The following PPA2 variants were observed in gnomAD, a reference collection of about 807,000 sequenced individuals.
The protein encoded by PPA2 is inorganic pyrophosphatase 2.
A neutral mutation model predicts 49.5 loss-of-function variants in PPA2; 48 were observed. The ratio of observed to expected loss-of-function variants is 0.97; its 90% CI spans 0.77 to 1.23. The LOEUF is 1.23. PPA2 is among the 50% of genes most tolerant of loss of function. The pLI, the probability that PPA2 is intolerant of heterozygous loss-of-function variation, is 0.00. For missense variants in PPA2, 429 were observed against 410.1 expected (o/e 1.05, Z -0.40); for synonymous variants, 131 against 139.9 (o/e 0.94, Z 0.45).
intron 7 of PPA2, among the ~76,000 whole-genome samples, chr4:105,412,322 G>T (rs1722799488): frequency 6.6e-6 from 1 of 152,140 alleles, no homozygotes; most frequent in Non-Finnish European, 1.5e-5. Flanking sequence ...TGAAAAACCT[G>T]ACAAAAACAA....
Position 105,413,080 on chromosome 4 carries a change from C to A in PPA2, c.655+11116G>T, listed in dbSNP as rs188686964. Among the ~76,000 whole-genome samples the A allele has an allele frequency of 1.2e-4, 19 of 152,282 alleles. No homozygotes were observed. The Middle Eastern group carries it at 0.01, about 82-fold the overall frequency. On this transcript the variant is annotated intron_variant, in intron 7 of 11. Transcript: ENST00000341695. ...ATAATAGCAAAGACTTGGAACTAAC[C>A]CAAATGTCCATCAATGATAGACTGG...
intron 9 of PPA2, among the ~76,000 whole-genome samples, chr4:105,388,849 ATT>A (rs1733789314): frequency 6.7e-6 from 1 of 148,190 alleles, no homozygotes; most frequent in Non-Finnish European, 1.5e-5. Context: ...AAAAAAAAAA[ATT>A]AGCTGTTTTA....
chr4:105,429,209 G>A (rs1383087675), intron 6 of PPA2, among the ~76,000 whole-genome samples: 1 of 152,178 alleles, frequency 6.6e-6, no homozygotes, highest in African/African-American at 2.4e-5. Context: ...GCATAGGCAA[G>A]TTTGGCTAGA....
chr4:105,410,830 G>C (rs991522684), intron 7 of PPA2, among the ~76,000 whole-genome samples: 1 of 152,152 alleles, frequency 6.6e-6, no homozygotes, highest in Non-Finnish European at 1.5e-5. Context: ...CATAAGTGAA[G>C]GAGAAACAAA....
At chr4:105,432,274 T>C (rs926882352) in intron 6 of PPA2, among the ~76,000 whole-genome samples, 1 of 152,324 alleles carries the variant, frequency 6.6e-6, no homozygotes, top group Non-Finnish European at 1.5e-5. Flanking sequence ...TATTCTATAA[T>C]GAACAAAATA....
chr4:105,392,276 A>AAC (rs1733955380), intron 9 of PPA2, among the ~76,000 whole-genome samples: 3 of 151,660 alleles, frequency 2.0e-5, no homozygotes, highest in Non-Finnish European at 2.9e-5. Context: ...ACAACAACAA[A>AAC]AAAAAAAACT....
chr4:105,399,065 A>G lies in PPA2; in HGVS notation c.755T>C (p.Phe252Ser). 6.2e-7 allele frequency: 1 copy of G among 1,609,110 alleles called. No individual in the cohort carries two copies. Among genetic ancestry groups the G allele is most frequent in the Non-Finnish European group, 8.5e-7 (1 of 1,178,860 alleles). ...KVPDGKPENQFAFNGEFKNKA... is the reference protein window; with the variant it reads ...KVPDGKPENQSAFNGEFKNKA... Reference sequence around the variant, plus strand: ...GTTTTTGAATTCTCCATTAAAAGCAAACTGGTTTTCTGGTTTTCCATCTGG... The same window carrying G: ...GTTTTTGAATTCTCCATTAAAAGCAGACTGGTTTTCTGGTTTTCCATCTGG... Residue 252 changes from phenylalanine to serine, a missense_variant, in exon 8 of 12, where the codon TTT (phenylalanine) becomes TCT (serine). By Grantham distance (155) the Phe-to-Ser change is radical (BLOSUM62 -2). Coordinates refer to ENST00000341695, the MANE Select transcript of PPA2 (RefSeq NM_176869.3).
intron 5 of PPA2, among the ~76,000 whole-genome samples, chr4:105,441,518 A>C (rs759003192): frequency 4.1e-4 from 63 of 152,144 alleles, no homozygotes; most frequent in Non-Finnish European, 3.1e-4. Flanking sequence ...ATCTGGAAAT[A>C]CTTAGTAAAG....
At chr4:105,466,798 GCA>G (rs755661043) in intron 1 of PPA2, among the ~76,000 whole-genome samples, 3 of 152,268 alleles carry the variant, frequency 2.0e-5, no homozygotes. Flanking sequence ...CAGGCTGTCT[GCA>G]CACACAGTAG....
intron 7 of PPA2, among the ~76,000 whole-genome samples, chr4:105,422,209 ATTG>A (rs1003015888): frequency 1.1e-4 from 17 of 152,202 alleles, no homozygotes; most frequent in Non-Finnish European, 2.2e-4. Context: ...ATGAATAAGA[ATTG>A]TTGTATTTTT....
intron 9 of PPA2, among the ~76,000 whole-genome samples, chr4:105,392,205 C>T (rs1733950566): frequency 6.6e-6 from 1 of 151,680 alleles, no homozygotes; most frequent in Non-Finnish European, 1.5e-5. Context: ...TAAATTCTCT[C>T]TGTTAATATA....
intron 1 of PPA2, among the ~76,000 whole-genome samples, chr4:105,462,936 CA>C (rs1723153930): frequency 6.6e-6 from 1 of 152,190 alleles, no homozygotes; most frequent in Non-Finnish European, 1.5e-5. Context: ...AAACCTGTTT[CA>C]TTTGTAAATT....
At position 105,420,096 on chromosome 4, in the gene PPA2, C is replaced by A. The variant is rs1578842474; in HGVS notation, c.655+4100G>T. ...CAAGTGATTCTCTTGCCTCAGCCTC[C>A]CATATAGCTGGGATTACAGGCATGT... On this transcript the variant is annotated intron_variant, in intron 7 of 11. Transcript: ENST00000341695. Among the ~76,000 whole-genome samples the A allele has an allele frequency of 2.6e-5, 4 of 152,158 alleles. No homozygotes were observed. The East Asian group carries it at 7.7e-4, about 29-fold the overall frequency.
chr4:105,410,716 T>G (rs1313552282), intron 7 of PPA2, among the ~76,000 whole-genome samples: 1 of 152,200 alleles, frequency 6.6e-6, no homozygotes, highest in Non-Finnish European at 1.5e-5. Context: ...AGCTGATCAC[T>G]CTGCAGAAAC....
At chr4:105,431,599 A>G (rs1723802446) in intron 6 of PPA2, among the ~76,000 whole-genome samples, 1 of 152,238 alleles carries the variant, frequency 6.6e-6, no homozygotes, top group South Asian at 2.1e-4. Context: ...AAAAAAATGG[A>G]TAAGAGTATT....
chr4:105,393,550 A>G (rs1734014113), intron 9 of PPA2, among the ~76,000 whole-genome samples: 1 of 148,784 alleles, frequency 6.7e-6, no homozygotes, highest in Non-Finnish European at 1.5e-5. Flanking sequence ...ATGGTTCTTA[A>G]GCAGAGAGGC....
intron 6 of PPA2, among the ~76,000 whole-genome samples, chr4:105,427,911 G>A (rs1723600973): frequency 6.6e-6 from 1 of 152,124 alleles, no homozygotes; most frequent in South Asian, 2.1e-4. Flanking sequence ...ATTCACCAAG[G>A]TTGAAATGAG....
chr4:105,464,570 G>C (rs544278203), intron 1 of PPA2, among the ~76,000 whole-genome samples: 7 of 152,308 alleles, frequency 4.6e-5, no homozygotes, highest in Non-Finnish European at 1.0e-4. Flanking sequence ...GTTTGGCTGT[G>C]TCCCCACCCA....
chr4:105,422,696 G>A (rs1723306799), intron 7 of PPA2, among the ~76,000 whole-genome samples: 1 of 152,104 alleles, frequency 6.6e-6, no homozygotes, highest in South Asian at 2.1e-4. Flanking sequence ...TGTTTGCAAA[G>A]GTGGGCAAGT....
Sources: gnomAD v4.1 joint callset for allele counts (sites outside exome capture counted in the v4.1 genomes callset) on GRCh38, gnomAD v4.1.1 for gene constraint, MANE v1.5 for transcripts, NCBI Gene and HGNC (gene_info 2026-07-23, HGNC 2026-07-21) for gene names.